Variants in ZNF385B observed in about 807,000 individuals in gnomAD.
ZNF385B encodes the protein zinc finger protein 533.
In ZNF385B, 23 loss-of-function variants were observed where a neutral mutation model predicts 39.2. The ratio of observed to expected loss-of-function variants is 0.59; its 90% CI spans 0.42 to 0.83. ZNF385B has a LOEUF of 0.83. Among genes scored for constraint, ZNF385B ranks in the 40% least tolerant of loss-of-function variants. ZNF385B has a pLI of 0.00. For synonymous variants in ZNF385B, 205 were observed against 222.6 expected (o/e 0.92, Z 0.70); for missense variants, 552 against 598.9 (o/e 0.92, Z 0.82).
intron 3 of ZNF385B, among the ~76,000 whole-genome samples, chr2:179,572,981 G>C (rs1490309688): frequency 6.6e-6 from 1 of 151,994 alleles, no homozygotes; most frequent in Non-Finnish European, 1.5e-5. Flanking sequence ...AAAGTTACTA[G>C]GACTATTTAA....
At chr2:179,474,271 T>A in intron 6 of ZNF385B, among the ~76,000 whole-genome samples, 1 of 152,124 alleles carries the variant, frequency 6.6e-6, no homozygotes, top group Non-Finnish European at 1.5e-5. Context: ...AGTGAGTATA[T>A]GTATAATGGT....
intron 3 of ZNF385B, among the ~76,000 whole-genome samples, chr2:179,646,286 G>C (rs1038792000): frequency 1.3e-5 from 2 of 152,194 alleles, no homozygotes; most frequent in African/African-American, 2.4e-5. Flanking sequence ...ATGGTGGCAG[G>C]CACCTGGAAA....
intron 3 of ZNF385B, among the ~76,000 whole-genome samples, chr2:179,577,224 G>C (rs569443969): frequency 6.6e-5 from 10 of 152,022 alleles, no homozygotes; most frequent in Non-Finnish European, 1.2e-4. Flanking sequence ...GGACTAAAGG[G>C]ATCTTATTTT....
At chr2:179,788,532 T>C (rs756194007) in intron 1 of ZNF385B, among the ~76,000 whole-genome samples, 4 of 152,114 alleles carry the variant, frequency 2.6e-5, no homozygotes, top group African/African-American at 7.2e-5. Flanking sequence ...GGGTATGATA[T>C]GGCTGTCAGG....
chr2:179,787,345 T>C (rs1038841991), intron 1 of ZNF385B, among the ~76,000 whole-genome samples: 27 of 152,096 alleles, frequency 1.8e-4, no homozygotes, highest in African/African-American at 6.5e-4. Flanking sequence ...TTAAAAATAA[T>C]TTTATATTTG....
intron 1 of ZNF385B, among the ~76,000 whole-genome samples, chr2:179,804,482 C>T (rs369270889): frequency 2.0e-5 from 3 of 152,230 alleles, no homozygotes; most frequent in East Asian, 3.9e-4. Flanking sequence ...TCTACAGGAG[C>T]CTGAATGGAG....
chr2:179,814,604 G>A, intron 1 of ZNF385B: 1 of 631,104 alleles, frequency 1.6e-6, no homozygotes, highest in Admixed American at 2.0e-5. Flanking sequence ...TAGAGACCGT[G>A]GACTGTAGGG....
intron 3 of ZNF385B, among the ~76,000 whole-genome samples, chr2:179,736,414 A>C (rs1052279011): frequency 1.7e-4 from 26 of 152,090 alleles, no homozygotes; most frequent in African/African-American, 6.3e-4. Flanking sequence ...CCCTCAACTC[A>C]TTGGACCATT....
At chr2:179,493,609 G>GTGTGTACATATATGTA (rs2055579127) in intron 5 of ZNF385B, among the ~76,000 whole-genome samples, 4 of 103,032 alleles carry the variant, frequency 3.9e-5, no homozygotes, top group East Asian at 3.6e-4. Context: ...ATACATATAT[G>GTGTGTACATATATGTA]TACGTACATA....
At chr2:179,462,426 T>C (rs80125296) in intron 6 of ZNF385B, among the ~76,000 whole-genome samples, 2 of 152,208 alleles carry the variant, frequency 1.3e-5, no homozygotes, top group African/African-American at 4.8e-5. Context: ...CAAACCTGTA[T>C]GTATGTAAAC....
chr2:179,766,306 C>T (rs1344766998), intron 3 of ZNF385B, among the ~76,000 whole-genome samples: 2 of 152,078 alleles, frequency 1.3e-5, no homozygotes, highest in Non-Finnish European at 2.9e-5. Context: ...CTTAAATTAA[C>T]AGTTCTTGGG....
At chr2:179,838,929 G>A (rs1328065021) in intron 1 of ZNF385B, among the ~76,000 whole-genome samples, 1 of 95,896 alleles carries the variant, frequency 1.0e-5, no homozygotes, top group Admixed American at 1.3e-4. Context: ...CAAAAAAAAA[G>A]GGGGGGGGGC....
chr2:179,780,185 C>T (rs1160781034), intron 1 of ZNF385B, among the ~76,000 whole-genome samples: 1 of 152,132 alleles, frequency 6.6e-6, no homozygotes, highest in Non-Finnish European at 1.5e-5. Flanking sequence ...TTTACCCTGC[C>T]ACCAACAAGA....
chr2:179,713,428 A>G (rs1247629884), intron 3 of ZNF385B, among the ~76,000 whole-genome samples: 1 of 152,036 alleles, frequency 6.6e-6, no homozygotes, highest in Admixed American at 6.5e-5. Context: ...TCTTTTTTCA[A>G]CTAGTTAGCT....
At chr2:179,733,516 C>T (rs891339682) in intron 3 of ZNF385B, among the ~76,000 whole-genome samples, 1 of 152,344 alleles carries the variant, frequency 6.6e-6, no homozygotes, top group South Asian at 2.1e-4. Context: ...GAGTTGGTGG[C>T]TCACACCTGT....
At chr2:179,509,389 A>G (rs2057493583) in intron 5 of ZNF385B, among the ~76,000 whole-genome samples, 2 of 152,204 alleles carry the variant, frequency 1.3e-5, no homozygotes, top group African/African-American at 4.8e-5. Context: ...TATGCTTCAA[A>G]AAAGATGACT....
At chr2:179,782,200 GATTC>G (rs1165252324) in intron 1 of ZNF385B, among the ~76,000 whole-genome samples, 2 of 152,032 alleles carry the variant, frequency 1.3e-5, no homozygotes, top group African/African-American at 4.8e-5. Flanking sequence ...CAATAAATGT[GATTC>G]ATCACATAAA....
chr2:179,533,340 T>C (rs2059373135), intron 4 of ZNF385B, among the ~76,000 whole-genome samples: 1 of 152,232 alleles, frequency 6.6e-6, no homozygotes, highest in Non-Finnish European at 1.5e-5. Flanking sequence ...TAGATTTATC[T>C]GCTGTTCTAA....
chr2:179,563,455 A>G (rs145237987), intron 3 of ZNF385B, among the ~76,000 whole-genome samples: 2 of 152,306 alleles, frequency 1.3e-5, no homozygotes, highest in Admixed American at 6.5e-5. Context: ...AACTTAGCAC[A>G]TTTACTAACC....
Sources: gnomAD v4.1 joint callset for allele counts (sites outside exome capture counted in the v4.1 genomes callset) on GRCh38, gnomAD v4.1.1 for gene constraint, MANE v1.5 for transcripts, NCBI Gene and HGNC (gene_info 2026-07-23, HGNC 2026-07-21) for gene names.